The following KLF12 variants were observed in gnomAD, a reference collection of about 807,000 sequenced individuals.
The protein encoded by KLF12 is KLF transcription factor 12, also known as Krueppel-like factor 12.
KLF12 carries 9 observed loss-of-function variants against 37.8 expected under a neutral mutation model. The observed-to-expected ratio is 0.24, with a 90% CI of 0.14 to 0.42. The LOEUF is 0.42. KLF12 is among the 10% of genes least tolerant of loss of function. The pLI, the probability that KLF12 is intolerant of heterozygous loss-of-function variation, is 1.00. For missense variants in KLF12, 411 were observed against 516.0 expected (o/e 0.80, Z 1.97); for synonymous variants, 208 against 202.1 (o/e 1.03, Z -0.25).
chr13:74,300,991 T>G, the KLF12 span, among the ~76,000 whole-genome samples: 1 of 152,144 alleles, frequency 6.6e-6, no homozygotes, highest in Admixed American at 6.6e-5. Flanking sequence ...TAAGCAAATA[T>G]TATCTTCATG....
intron 3 of KLF12, among the ~76,000 whole-genome samples, chr13:73,866,888 G>A (rs191169407): frequency 1.3e-5 from 2 of 150,552 alleles, no homozygotes; most frequent in Non-Finnish European, 2.9e-5. Context: ...GGCAAAAAGG[G>A]GGGGGGGAAT....
At chr13:73,762,823 G>C (rs1419238822) in intron 6 of KLF12, among the ~76,000 whole-genome samples, 1 of 152,134 alleles carries the variant, frequency 6.6e-6, no homozygotes, top group Non-Finnish European at 1.5e-5. Flanking sequence ...AGAAGTACAG[G>C]CTGGGTGATT....
intron 3 of KLF12, among the ~76,000 whole-genome samples, chr13:73,923,270 T>C (rs1483296697): frequency 6.6e-6 from 1 of 152,164 alleles, no homozygotes; most frequent in Non-Finnish European, 1.5e-5. Context: ...AACTTGGAAA[T>C]ACAATGCTGC....
rs189715780 is a variant in KLF12, at chr13:74,024,421, A to T, written c.-31-29368T>A. ...AATACAGAACATTTGTTTCCAATTT[A>T]AAAAATGAGTATACGCATCATTCTG... On this transcript the variant is annotated intron_variant, in intron 1 of 7. Coordinates refer to ENST00000377669, the MANE Select transcript of KLF12 (RefSeq NM_007249.5). Among the ~76,000 whole-genome samples, 13 of 152,352 alleles carry T rather than the reference A, an allele frequency of 8.5e-5. No individual in the cohort carries two copies. The East Asian group carries it at 2.3e-3, about 27-fold the overall frequency.
chr13:73,758,096 T>G (rs1329860470), intron 6 of KLF12, among the ~76,000 whole-genome samples: 1 of 152,020 alleles, frequency 6.6e-6, no homozygotes, highest in African/African-American at 2.4e-5. Flanking sequence ...GGGTTGGTCT[T>G]GCTATGTTGC....
At chr13:74,093,632 C>G (rs963339458) in intron 1 of KLF12, among the ~76,000 whole-genome samples, 2 of 151,828 alleles carry the variant, frequency 1.3e-5, no homozygotes, top group African/African-American at 4.8e-5. Context: ...AACATTCCAG[C>G]TCTAAATGTC....
chr13:73,945,330 G>T (rs369015453), intron 2 of KLF12, among the ~76,000 whole-genome samples: 1 of 152,108 alleles, frequency 6.6e-6, no homozygotes, highest in Non-Finnish European at 1.5e-5. Flanking sequence ...TTAGCTGGGC[G>T]TGGTGGCAGG....
chr13:73,820,082 A>T (rs1594129494), intron 4 of KLF12, among the ~76,000 whole-genome samples: 1 of 152,176 alleles, frequency 6.6e-6, no homozygotes, highest in South Asian at 2.1e-4. Flanking sequence ...AAGCCATTGG[A>T]GGGTACTGAG....
chr13:74,103,012 A>G (rs920119034), intron 1 of KLF12, among the ~76,000 whole-genome samples: 4 of 152,200 alleles, frequency 2.6e-5, no homozygotes, highest in African/African-American at 9.7e-5. Flanking sequence ...GGGGGCAGTA[A>G]CACACTCTAA....
At chr13:74,248,907 G>A in the KLF12 span, among the ~76,000 whole-genome samples, 603 of 152,246 alleles carry the variant, frequency 4.0e-3, 12 homozygotes, top group East Asian at 0.068. Context: ...AAGGAGGGAC[G>A]TGAGAAGGGT....
At chr13:74,128,198 A>T (rs763059788) in intron 1 of KLF12, among the ~76,000 whole-genome samples, 4 of 152,216 alleles carry the variant, frequency 2.6e-5, no homozygotes, top group Non-Finnish European at 4.4e-5. Flanking sequence ...TTTAAGAGTG[A>T]CTTTCTCAAG....
chr13:73,783,504 A>T (rs1025065757), intron 5 of KLF12, among the ~76,000 whole-genome samples: 1 of 152,196 alleles, frequency 6.6e-6, no homozygotes. Context: ...CCAAGAAATG[A>T]TAAACGTTTG....
At chr13:74,104,891 C>T (rs1325693608) in intron 1 of KLF12, among the ~76,000 whole-genome samples, 1 of 152,032 alleles carries the variant, frequency 6.6e-6, no homozygotes, top group African/African-American at 2.4e-5. Flanking sequence ...GGGTTAGGTT[C>T]CCCCCTCCCC....
rs773653636 is a variant in KLF12, at chr13:74,072,364, A to AATATATATATATATAT, written c.-32+61359_-32+61374dup. ...ATCTTTTTAAGAATTAAGAAATACA[A>AATATATATATATATAT]ATATATATATATATATATATATATA... On this transcript the variant is annotated intron_variant, in intron 1 of 7. Coordinates refer to ENST00000377669, the MANE Select transcript of KLF12 (RefSeq NM_007249.5). 1.7e-3 allele frequency among the ~76,000 whole-genome samples: 109 copies of AATATATATATATATAT among 63,036 alleles called. 1 individual carries two copies. Among genetic ancestry groups the AATATATATATATATAT allele is most frequent in the Non-Finnish European group, 2.5e-3 (78 of 31,256 alleles). The allele number at this position is 63,036 out of a possible 152,430, so 41.4% of individuals were successfully genotyped here. A position where few individuals can be genotyped will look rare whatever the true frequency, so the allele number is the denominator to read the frequency against.
chr13:73,974,115 C>CAAAAAGA (rs1213529772), intron 2 of KLF12, among the ~76,000 whole-genome samples: 2 of 151,792 alleles, frequency 1.3e-5, no homozygotes. Flanking sequence ...AGATAAGAGG[C>CAAAAAGA]ACAAAGAACA....
At chr13:73,825,565 A>G (rs569467576) in intron 4 of KLF12, among the ~76,000 whole-genome samples, 7 of 152,372 alleles carry the variant, frequency 4.6e-5, no homozygotes, top group Non-Finnish European at 8.8e-5. Context: ...TCTAAAGAAG[A>G]TAAGAGCTAT....
the KLF12 span, among the ~76,000 whole-genome samples, chr13:74,188,183 G>A: frequency 6.6e-6 from 1 of 152,084 alleles, no homozygotes; most frequent in African/African-American, 2.4e-5. Flanking sequence ...TCTTAGATAA[G>A]TTTTGTACTA....
intron 4 of KLF12, among the ~76,000 whole-genome samples, chr13:73,816,031 A>G (rs922748260): frequency 6.6e-6 from 1 of 152,242 alleles, no homozygotes; most frequent in Non-Finnish European, 1.5e-5. Context: ...ATTATGAAAT[A>G]CATCTGCTAC....
chr13:73,945,152 T>G (rs1234077614), intron 2 of KLF12, among the ~76,000 whole-genome samples: 1 of 152,158 alleles, frequency 6.6e-6, no homozygotes, highest in Non-Finnish European at 1.5e-5. Flanking sequence ...TATGGTTGCT[T>G]TCCTACAAAA....
Sources: gnomAD v4.1 joint callset for allele counts (sites outside exome capture counted in the v4.1 genomes callset) on GRCh38, gnomAD v4.1.1 for gene constraint, MANE v1.5 for transcripts, NCBI Gene and HGNC (gene_info 2026-07-23, HGNC 2026-07-21) for gene names.